The following MACROD2 variants were observed in gnomAD, a reference collection of about 807,000 sequenced individuals.
MACROD2 encodes ADP-ribose glycohydrolase MACROD2.
Under a neutral mutation model 70.4 loss-of-function variants are expected in MACROD2, and 36 were observed. The ratio of observed to expected loss-of-function variants is 0.51; its 90% CI spans 0.39 to 0.68. The LOEUF (loss-of-function observed/expected upper bound fraction) is 0.68. MACROD2 is among the 30% of genes least tolerant of loss of function. MACROD2 has a pLI of 0.00. For missense variants in MACROD2, 496 were observed against 538.4 expected, an observed-to-expected ratio of 0.92 and a Z score of 0.78; for synonymous variants, 172 against 178.8, an observed-to-expected ratio of 0.96 and a Z score of 0.30.
chr20:14,654,358 C>T (rs1985856336), intron 4 of MACROD2, among the ~76,000 whole-genome samples: 1 of 151,242 alleles, frequency 6.6e-6, no homozygotes, highest in Non-Finnish European at 1.5e-5. Context: ...AGCAGCCTGG[C>T]CAACATGGTG....
chr20:14,121,663 G>A (rs2054590836), intron 3 of MACROD2, among the ~76,000 whole-genome samples: 1 of 152,130 alleles, frequency 6.6e-6, no homozygotes, highest in African/African-American at 2.4e-5. Flanking sequence ...TTACTGAGCA[G>A]TTTTGTATTA....
chr20:14,544,067 AG>A lies in MACROD2; in HGVS notation c.301+50561del, dbSNP rs201363074. ...AAAGGAAGTCTCCTGCTCCTATAAA[AG>A]GCTAATGTGGCAAAAAGCAGACACT... On this transcript the variant is annotated intron_variant, in intron 4 of 17. Transcript: ENST00000684519. 3.3e-5 allele frequency among the ~76,000 whole-genome samples: 5 copies of A among 152,200 alleles called. No individual in the cohort carries two copies. The East Asian group carries it at 9.6e-4, about 29-fold the overall frequency.
chr20:16,034,634 TTA>T (rs2067198691), intron 15 of MACROD2, among the ~76,000 whole-genome samples: 1 of 151,998 alleles, frequency 6.6e-6, no homozygotes, highest in South Asian at 2.1e-4. Context: ...GTTTTTGGTA[TTA>T]TATTCAGTTT....
At chr20:14,826,916 C>T (rs988306523) in intron 5 of MACROD2, among the ~76,000 whole-genome samples, 2 of 152,032 alleles carry the variant, frequency 1.3e-5, no homozygotes, top group African/African-American at 4.8e-5. Context: ...TAATGGAGTC[C>T]TGGAAGCTGC....
rs1024272604 is a variant in MACROD2 at position 15,004,231 on chromosome 20, C to T, written c.419-225709C>T. On this transcript the variant is annotated intron_variant, in intron 5 of 17. Coordinates refer to ENST00000684519, the MANE Select transcript of MACROD2 (RefSeq NM_001351661.2). ...CTTTATGCAGCAGGCAGTTACACTT[C>T]GCTGACATTTTTCTTAAGGTCATGG... Among the ~76,000 whole-genome samples the T allele has an allele frequency of 5.3e-5, 8 of 152,308 alleles. No homozygotes were observed. In the East Asian group the frequency reaches 7.7e-4, roughly 15 times the overall value.
chr20:15,063,310 C>T (rs1373813471), intron 5 of MACROD2, among the ~76,000 whole-genome samples: 5 of 152,334 alleles, frequency 3.3e-5, no homozygotes, highest in Non-Finnish European at 7.3e-5. Context: ...CTTCAACTCC[C>T]TCTCCTATAA....
At chr20:14,109,313 CAAAT>C (rs1167320559) in intron 3 of MACROD2, among the ~76,000 whole-genome samples, 10 of 151,638 alleles carry the variant, frequency 6.6e-5, no homozygotes, top group Admixed American at 5.9e-4. Flanking sequence ...AGAAAAACTT[CAAAT>C]AAATAACCTA....
intron 4 of MACROD2, among the ~76,000 whole-genome samples, chr20:14,617,404 C>A (rs1422334121): frequency 6.6e-6 from 1 of 152,052 alleles, no homozygotes; most frequent in Non-Finnish European, 1.5e-5. Flanking sequence ...AGACTTTACC[C>A]TTCTTTGCAT....
chr20:15,021,137 C>A (rs140466288), intron 5 of MACROD2, among the ~76,000 whole-genome samples: 5 of 90,900 alleles, frequency 5.5e-5, no homozygotes, highest in South Asian at 3.1e-4. Context: ...TATACACATA[C>A]GTGTGTGTAT....
intron 5 of MACROD2, among the ~76,000 whole-genome samples, chr20:15,086,351 A>G (rs1478903921): frequency 2.0e-5 from 3 of 152,152 alleles, no homozygotes; most frequent in Non-Finnish European, 2.9e-5. Context: ...TTTGTTTTGA[A>G]TAAAATTTCT....
At chr20:15,900,952 G>A (rs887796223) in intron 10 of MACROD2, among the ~76,000 whole-genome samples, 1 of 152,190 alleles carries the variant, frequency 6.6e-6, no homozygotes, top group African/African-American at 2.4e-5. Flanking sequence ...GGCACATTGA[G>A]TAGACAGAAG....
At chr20:15,153,505 C>T (rs2076286134) in intron 5 of MACROD2, among the ~76,000 whole-genome samples, 1 of 152,128 alleles carries the variant, frequency 6.6e-6, no homozygotes, top group Admixed American at 6.5e-5. Flanking sequence ...GCCTGACACA[C>T]ACTATAGCAG....
rs553206183 is a variant in MACROD2 at position 14,475,210 on chromosome 20, C to A, written c.272-18269C>A. Among the ~76,000 whole-genome samples, 25 of 152,044 alleles carry A rather than the reference C, an allele frequency of 1.6e-4. 1 individual carries two copies. Among genetic ancestry groups the A allele is most frequent in the Non-Finnish European group, 2.6e-4 (18 of 67,942 alleles). On this transcript the variant is annotated intron_variant, in intron 3 of 17. Coordinates refer to ENST00000684519, the MANE Select transcript of MACROD2 (RefSeq NM_001351661.2). ...ATTATTTTAAACTGATAACAACTTA[C>A]CTTAAAAAGAAAAGAATCACACAAA...
intron 13 of MACROD2, among the ~76,000 whole-genome samples, chr20:15,983,492 C>A (rs1046369011): frequency 2.0e-5 from 3 of 152,150 alleles, no homozygotes; most frequent in African/African-American, 7.2e-5. Context: ...AAGCTTACTG[C>A]ATCCCTTCAG....
chr20:15,031,431 G>A (rs2075273443), intron 5 of MACROD2, among the ~76,000 whole-genome samples: 1 of 152,158 alleles, frequency 6.6e-6, no homozygotes, highest in South Asian at 2.1e-4. Context: ...GGAAGAATGA[G>A]GTATGTGGAC....
At chr20:14,696,055 T>G (rs2071122037) in intron 5 of MACROD2, among the ~76,000 whole-genome samples, 1 of 152,082 alleles carries the variant, frequency 6.6e-6, no homozygotes, top group African/African-American at 2.4e-5. Context: ...AATTGGAAAA[T>G]GAAAGCCAAA....
chr20:14,875,383 T>C (rs1352595633), intron 5 of MACROD2, among the ~76,000 whole-genome samples: 2 of 152,058 alleles, frequency 1.3e-5, no homozygotes, highest in Non-Finnish European at 2.9e-5. Context: ...AGTGAGACTC[T>C]GTCTCAAAAA....
At chr20:14,067,131 T>C (rs2053772463) in intron 2 of MACROD2, among the ~76,000 whole-genome samples, 1 of 144,582 alleles carries the variant, frequency 6.9e-6, no homozygotes, top group Non-Finnish European at 1.5e-5. Context: ...GTGTTTTTTT[T>C]TTTTTTTTTT....
At chr20:14,538,016 A>G (rs911968933) in intron 4 of MACROD2, among the ~76,000 whole-genome samples, 2 of 152,100 alleles carry the variant, frequency 1.3e-5, no homozygotes, top group East Asian at 1.9e-4. Context: ...TGGTAGTGCT[A>G]TTTGCTATCT....
Sources: gnomAD v4.1 joint callset for allele counts (sites outside exome capture counted in the v4.1 genomes callset) on GRCh38, gnomAD v4.1.1 for gene constraint, MANE v1.5 for transcripts, NCBI Gene and HGNC (gene_info 2026-07-23, HGNC 2026-07-21) for gene names.